The following MAF variants were observed in gnomAD, a reference collection of about 807,000 sequenced individuals.
MAF encodes MAF bZIP transcription factor, also known as transcription factor Maf.
A neutral mutation model predicts 22.0 loss-of-function variants in MAF; 10 were observed. The ratio of observed to expected loss-of-function variants is 0.45; its 90% CI spans 0.28 to 0.77. The LOEUF (loss-of-function observed/expected upper bound fraction) is 0.77, where lower values mean the gene tolerates loss of function less well. Ranked by LOEUF, MAF falls within the 30% of genes least tolerant of loss-of-function variation. The pLI, the probability that MAF is intolerant of heterozygous loss-of-function variation, is 0.12. For synonymous variants in MAF, 337 were observed against 255.8 expected (o/e 1.32, Z -3.03); for missense variants, 544 against 548.4 (o/e 0.99, Z 0.08).
the MAF span, among the ~76,000 whole-genome samples, chr16:79,400,696 C>A: frequency 6.6e-6 from 1 of 152,244 alleles, no homozygotes; most frequent in Non-Finnish European, 1.5e-5. Flanking sequence ...ACAGGTCAGA[C>A]ATTATCTCTG....
At chr16:79,411,145 G>C in the MAF span, among the ~76,000 whole-genome samples, 5 of 151,980 alleles carry the variant, frequency 3.3e-5, no homozygotes, top group African/African-American at 1.2e-4. Flanking sequence ...CACTATTCAG[G>C]TGATTTTCCA....
At chr16:79,247,544 G>C in the MAF span, among the ~76,000 whole-genome samples, 2 of 152,026 alleles carry the variant, frequency 1.3e-5, no homozygotes, top group African/African-American at 2.4e-5. Flanking sequence ...ACTGGCATTA[G>C]GGTTTTTGCC....
At chr16:79,438,178 G>GT in the MAF span, among the ~76,000 whole-genome samples, 31 of 152,202 alleles carry the variant, frequency 2.0e-4, no homozygotes, top group Admixed American at 2.0e-3. Flanking sequence ...AAGGCCCTTT[G>GT]TGGGGGGTTC....
chr16:79,454,973 G>A, the MAF span, among the ~76,000 whole-genome samples: 4 of 151,972 alleles, frequency 2.6e-5, no homozygotes, highest in Admixed American at 1.3e-4. Context: ...GCACGTGCCT[G>A]TAATCCTAGC....
the MAF span, among the ~76,000 whole-genome samples, chr16:79,252,306 C>CTTTA: frequency 6.6e-6 from 1 of 151,542 alleles, no homozygotes; most frequent in Admixed American, 6.7e-5. Flanking sequence ...TATAAATAAA[C>CTTTA]TTTATTTATT....
the MAF span, among the ~76,000 whole-genome samples, chr16:79,545,970 T>G: frequency 6.6e-6 from 1 of 152,154 alleles, no homozygotes; most frequent in South Asian, 2.1e-4. Flanking sequence ...ATCTAATTAA[T>G]TAGCTATTTC....
At chr16:79,386,261 G>A in the MAF span, among the ~76,000 whole-genome samples, 8 of 152,154 alleles carry the variant, frequency 5.3e-5, no homozygotes, top group African/African-American at 1.7e-4. Context: ...TCACCATAAT[G>A]TAGACTCAGT....
the MAF span, among the ~76,000 whole-genome samples, chr16:79,573,325 C>A: frequency 2.0e-5 from 3 of 152,232 alleles, no homozygotes; most frequent in East Asian, 5.8e-4. Context: ...GGTTTTACAT[C>A]AGGCTAAGGA....
At chr16:79,254,639 A>T in the MAF span, among the ~76,000 whole-genome samples, 3 of 152,128 alleles carry the variant, frequency 2.0e-5, no homozygotes, top group African/African-American at 7.2e-5. Context: ...GCTACTATTG[A>T]CTTTCTGCTT....
At chr16:79,536,098 C>G in the MAF span, among the ~76,000 whole-genome samples, 2 of 152,196 alleles carry the variant, frequency 1.3e-5, no homozygotes, top group Non-Finnish European at 2.9e-5. Context: ...CTTTCTCTAG[C>G]TATGAGACTT....
At chr16:79,539,423 G>C in the MAF span, among the ~76,000 whole-genome samples, 9 of 152,134 alleles carry the variant, frequency 5.9e-5, no homozygotes, top group East Asian at 1.5e-3. Flanking sequence ...AGAATCACTC[G>C]AACCCAGGAG....
chr16:79,235,616 C>T, the MAF span, among the ~76,000 whole-genome samples: 1 of 151,954 alleles, frequency 6.6e-6, no homozygotes, highest in Non-Finnish European at 1.5e-5. Context: ...TGATTTTCAT[C>T]CAGGTGCTTC....
chr16:79,565,539 C>T, the MAF span, among the ~76,000 whole-genome samples: 1 of 152,016 alleles, frequency 6.6e-6, no homozygotes, highest in African/African-American at 2.4e-5. Flanking sequence ...GTGACTGAAT[C>T]ATGGGGGTGG....
At chr16:79,502,903 T>C in the MAF span, among the ~76,000 whole-genome samples, 1 of 151,060 alleles carries the variant, frequency 6.6e-6, no homozygotes, top group Non-Finnish European at 1.5e-5. Flanking sequence ...ACTCATCAAA[T>C]TCATCAAACA....
the MAF span, among the ~76,000 whole-genome samples, chr16:79,370,388 G>C: frequency 1.3e-5 from 2 of 152,110 alleles, no homozygotes; most frequent in African/African-American, 4.8e-5. Context: ...GTGCTGGGTG[G>C]TCCTTTGCCT....
chr16:79,241,313 G>C, the MAF span, among the ~76,000 whole-genome samples: 1 of 152,032 alleles, frequency 6.6e-6, no homozygotes. Context: ...TAGACAAATT[G>C]CTAACTGGAA....
the MAF span, among the ~76,000 whole-genome samples, chr16:79,278,089 C>A: frequency 1.3e-5 from 2 of 152,182 alleles, no homozygotes; most frequent in African/African-American, 4.8e-5. Flanking sequence ...TAAGTGAATA[C>A]AAGTTTGCTT....
intron 1 of MAF, 148 bp downstream of exon 1, chr16:79,598,637 G>C: frequency 6.6e-7 from 1 of 1,524,924 alleles, no homozygotes; most frequent in Non-Finnish European, 8.8e-7. Context: ...TTGTGTGTGT[G>C]TAGGGGGCCA....
the MAF span, among the ~76,000 whole-genome samples, chr16:79,576,747 C>A: frequency 6.6e-6 from 1 of 152,248 alleles, no homozygotes; most frequent in East Asian, 1.9e-4. Context: ...CCAAGCATGG[C>A]AGAGTGTTTA....
Sources: allele counts gnomAD v4.1 joint callset (sites outside exome capture counted in the v4.1 genomes callset), GRCh38; gene constraint gnomAD v4.1.1; transcripts MANE v1.5; gene names NCBI Gene and HGNC (gene_info 2026-07-23, HGNC 2026-07-21).